The following EPHA6 variants were observed in gnomAD, a reference collection of about 807,000 sequenced individuals.
The protein encoded by EPHA6 is EPH receptor A6.
In EPHA6, 50 loss-of-function variants were observed where a neutral mutation model predicts 112.0. That is an observed-to-expected ratio of 0.45 (90% CI 0.36 to 0.56). EPHA6 has a LOEUF of 0.56. Among genes scored for constraint, EPHA6 ranks in the 20% least tolerant of loss-of-function variants. The pLI is 0.00. For synonymous variants in EPHA6, 529 were observed against 490.7 expected (o/e 1.08, Z -1.03); for missense variants, 1,280 against 1,417.4 (o/e 0.90, Z 1.56).
chr3:97,498,488 TA>T (rs1373524697), intron 10 of EPHA6, among the ~76,000 whole-genome samples: 2 of 151,760 alleles, frequency 1.3e-5, no homozygotes, highest in Admixed American at 1.3e-4. Context: ...GAGAAAAAAA[TA>T]AAGGGGTAGG....
At chr3:97,210,913 G>T (rs1374474109) in intron 3 of EPHA6, among the ~76,000 whole-genome samples, 6 of 152,126 alleles carry the variant, frequency 3.9e-5, no homozygotes, top group Non-Finnish European at 8.8e-5. Flanking sequence ...AATTGGTGCT[G>T]GTTTTCAACC....
At chr3:97,264,674 T>C (rs1402625579) in intron 5 of EPHA6, among the ~76,000 whole-genome samples, 4 of 152,176 alleles carry the variant, frequency 2.6e-5, no homozygotes, top group Non-Finnish European at 5.9e-5. Flanking sequence ...GGTCCCAAGT[T>C]CTTGTCCTGT....
rs780388246 is a variant in EPHA6 at position 97,244,266 on chromosome 3, A to G, written c.1585A>G (p.Thr529Ala). The G allele has an allele frequency of 5.0e-6, 8 of 1,613,102 alleles. No homozygotes were observed. In the Admixed American group the frequency reaches 1.3e-4, roughly 27 times the overall value. The stretch of plus-strand genomic sequence containing the variant: ...TTCTCCCAAGCCATTCACAGCTATT[A>G]CAGTGACCACGGATCAAGATGGTAA... ...SFSPKPFTAI[T>A]VTTDQDAPSL... The change falls in exon 5 of 18, where the codon ACA becomes GCA. Residue 529 changes from threonine (T) to alanine (A), a missense_variant. Around this residue, in one of 4 missense-constraint regions of EPHA6, gnomAD observed 878 missense variants for 999.7 expected, o/e 0.88. Transcript: ENST00000389672.
chr3:97,187,161 C>A (rs1171537120), intron 3 of EPHA6, among the ~76,000 whole-genome samples: 1 of 152,074 alleles, frequency 6.6e-6, no homozygotes, highest in Non-Finnish European at 1.5e-5. Context: ...AGTCCTGTGG[C>A]TCTTTTTAAT....
At chr3:97,727,665 A>AAT (rs1165451377) in intron 15 of EPHA6, among the ~76,000 whole-genome samples, 4 of 152,036 alleles carry the variant, frequency 2.6e-5, no homozygotes, top group Non-Finnish European at 5.9e-5. Flanking sequence ...TCCACCTTCT[A>AAT]TAATACAGAG....
In EPHA6 at chr3:97,750,323, CTGTTTTTGTTTTT is replaced by C. The variant is rs550505869; in HGVS notation, c.*1636_*1648del. Among the ~76,000 whole-genome samples, 38 of 150,820 alleles carry C rather than the reference CTGTTTTTGTTTTT, an allele frequency of 2.5e-4. No individual in the cohort carries two copies. The South Asian group carries it at 7.5e-3, about 30-fold the overall frequency. The stretch of plus-strand genomic sequence containing the variant: ...GTTTTTTTTTTTTAAATAAAGGACC[CTGTTTTTGTTTTT>C]TGTTTTTGTTTTTGTTGTTCGTTTG... On this transcript the variant is annotated 3_prime_UTR_variant, in exon 18 of 18. Transcript: ENST00000389672.
chr3:96,891,359 C>T (rs373778269), intron 2 of EPHA6, among the ~76,000 whole-genome samples: 36 of 152,176 alleles, frequency 2.4e-4, no homozygotes, highest in African/African-American at 8.7e-4. Context: ...TGTGATTCCA[C>T]GTATGTAAAA....
At chr3:97,531,487 A>G (rs893284262) in intron 10 of EPHA6, among the ~76,000 whole-genome samples, 8 of 151,912 alleles carry the variant, frequency 5.3e-5, no homozygotes, top group African/African-American at 1.7e-4. Context: ...TCAAATACCT[A>G]AATCCTGCTC....
intron 3 of EPHA6, among the ~76,000 whole-genome samples, chr3:97,081,632 C>A (rs2046723633): frequency 6.6e-6 from 1 of 151,700 alleles, no homozygotes; most frequent in African/African-American, 2.4e-5. Flanking sequence ...TACACTTTAA[C>A]TATGTGATTC....
At chr3:97,101,757 T>C (rs1389965195) in intron 3 of EPHA6, among the ~76,000 whole-genome samples, 1 of 152,112 alleles carries the variant, frequency 6.6e-6, no homozygotes, top group East Asian at 1.9e-4. Context: ...GACACTTTGA[T>C]ATTTACAAAA....
chr3:97,368,586 T>C (rs2084873178), intron 5 of EPHA6, among the ~76,000 whole-genome samples: 1 of 152,294 alleles, frequency 6.6e-6, no homozygotes, highest in South Asian at 2.1e-4. Flanking sequence ...TTGCTACACT[T>C]ATTTATCGAA....
chr3:97,674,775 G>A (rs1243162282), intron 14 of EPHA6, among the ~76,000 whole-genome samples: 6 of 152,282 alleles, frequency 3.9e-5, no homozygotes, highest in South Asian at 2.1e-4. Flanking sequence ...CATCTAAAGC[G>A]CATCTCTGAA....
chr3:97,712,163 A>G (rs957188211), intron 14 of EPHA6, among the ~76,000 whole-genome samples: 1 of 152,188 alleles, frequency 6.6e-6, no homozygotes, highest in African/African-American at 2.4e-5. Flanking sequence ...AAAATCCATT[A>G]CTTTTGTGTT....
chr3:97,115,435 A>C (rs2047856801), intron 3 of EPHA6, among the ~76,000 whole-genome samples: 1 of 151,752 alleles, frequency 6.6e-6, no homozygotes, highest in Non-Finnish European at 1.5e-5. Context: ...AACTAATGTA[A>C]GATTTGCAGG....
chr3:97,187,877 G>A (rs981036238), intron 3 of EPHA6, among the ~76,000 whole-genome samples: 1 of 151,962 alleles, frequency 6.6e-6, no homozygotes, highest in Non-Finnish European at 1.5e-5. Flanking sequence ...GGCAGGAAGT[G>A]ATTAGGAGTA....
chr3:96,936,018 A>G (rs552853563), intron 2 of EPHA6, among the ~76,000 whole-genome samples: 1 of 152,028 alleles, frequency 6.6e-6, no homozygotes, highest in South Asian at 2.1e-4. Context: ...TTCCAGACCT[A>G]TTTTCAACAC....
rs779595522 is a variant in EPHA6, at chr3:97,735,929, T to C, written c.2939T>C (p.Ile980Thr). 2 of 1,604,384 alleles carry C rather than the reference T, an allele frequency of 1.2e-6. No homozygotes were observed. Among genetic ancestry groups the C allele is most frequent in the Non-Finnish European group, 1.7e-6 (2 of 1,173,780 alleles). ...TCTGTATATGTTTGCATTTAGGTCATTCTGTCCATTGAAGAAGGGTACAGA... is the reference window on the plus strand; with the variant it reads ...TCTGTATATGTTTGCATTTAGGTCACTCTGTCCATTGAAGAAGGGTACAGA... ...PYWEMSNQDV[I>T]LSIEEGYRLP... The change falls in exon 16 of 18, where the codon ATT becomes ACT. Residue 980 changes from isoleucine (I) to threonine (T), a missense_variant. Coordinates refer to ENST00000389672, the MANE Select transcript of EPHA6 (RefSeq NM_001080448.3).
intron 2 of EPHA6, among the ~76,000 whole-genome samples, chr3:96,940,985 C>T (rs1303118753): frequency 6.6e-6 from 1 of 152,194 alleles, no homozygotes; most frequent in East Asian, 1.9e-4. Flanking sequence ...GTCTGATGGG[C>T]TTCCCTTTGT....
chr3:97,430,191 G>A (rs2089420968), intron 6 of EPHA6, among the ~76,000 whole-genome samples: 1 of 152,078 alleles, frequency 6.6e-6, no homozygotes, highest in African/African-American at 2.4e-5. Flanking sequence ...TTACTAAATA[G>A]TCTATGCCTC....
Sources: allele counts gnomAD v4.1 joint callset (sites outside exome capture counted in the v4.1 genomes callset), GRCh38; gene constraint gnomAD v4.1.1; regional missense constraint gnomAD v4.1.1; transcripts MANE v1.5; gene names NCBI Gene and HGNC (gene_info 2026-07-23, HGNC 2026-07-21).